Variants in ADAM23 observed in about 807,000 individuals in gnomAD.
ADAM23 encodes the protein ADAM metallopeptidase domain 23, also known as disintegrin and metalloproteinase domain-containing protein 23.
A neutral mutation model predicts 120.1 loss-of-function variants in ADAM23; 33 were observed. That is an observed-to-expected ratio of 0.27 (90% confidence interval 0.21 to 0.37). The LOEUF (loss-of-function observed/expected upper bound fraction) is 0.37, where lower values mean the gene tolerates loss of function less well. ADAM23 is among the 10% of genes least tolerant of loss of function. The probability of loss-of-function intolerance (pLI) is 1.00; values close to 1 mark genes in which losing one functional copy is unlikely to be tolerated. For synonymous variants in ADAM23, 367 were observed against 375.2 expected, an observed-to-expected ratio of 0.98 and a Z score of 0.25; for missense variants, 862 against 1,058.2, an observed-to-expected ratio of 0.81 and a Z score of 2.57.
intron 2 of ADAM23, among the ~76,000 whole-genome samples, chr2:206,469,799 A>G (rs944737441): frequency 6.6e-6 from 1 of 152,146 alleles, no homozygotes; most frequent in African/African-American, 2.4e-5. Flanking sequence ...GAATACACCA[A>G]GTGTGCCCCT....
At chr2:206,606,720 T>G (rs566772122) in intron 24 of ADAM23, 20 of 152,350 alleles carry the variant, frequency 1.3e-4, no homozygotes, top group African/African-American at 4.6e-4. Flanking sequence ...CCAGGGCACA[T>G]TGCTTCCTGA....
At position 206,617,607 on chromosome 2, in the gene ADAM23, A is replaced by G; in HGVS notation, c.2479A>G (p.Thr827Ala). Residue 827 changes from threonine (T) to alanine (A), a missense_variant, in exon 26 of 26, where the codon ACT becomes GCT. Around this residue, in one of 4 missense-constraint regions of ADAM23, gnomAD observed 16 missense variants for 17.6 expected, o/e 0.91. Transcript: ENST00000264377. ...KNVKKRRFDP[T>A]QQGPI ...TGTCAAGAAGAGAAGGTTCGATCCT[A>G]CTCAGCAAGGCCCCATCTGAATCAG... The G allele has an allele frequency of 6.2e-7, 1 of 1,612,558 alleles. No homozygotes were observed. Among genetic ancestry groups the G allele is most frequent in the Non-Finnish European group, 8.5e-7 (1 of 1,179,236 alleles).
chr2:206,608,849 T>A (rs1236626933), intron 24 of ADAM23, among the ~76,000 whole-genome samples: 3 of 152,154 alleles, frequency 2.0e-5, no homozygotes, highest in African/African-American at 7.2e-5. Flanking sequence ...TACACAGAAA[T>A]GAATGTTTAC....
chr2:206,467,405 G>T (rs1331178704), intron 2 of ADAM23, among the ~76,000 whole-genome samples: 1 of 152,214 alleles, frequency 6.6e-6, no homozygotes, highest in Admixed American at 6.5e-5. Flanking sequence ...AAAAGAAAGG[G>T]GCTTATAGGC....
intron 3 of ADAM23, among the ~76,000 whole-genome samples, chr2:206,529,852 C>A (rs946667195): frequency 5.3e-5 from 8 of 151,850 alleles, no homozygotes; most frequent in African/African-American, 1.9e-4. Flanking sequence ...CACTCTGTCT[C>A]TCAGGATGGA....
intron 2 of ADAM23, among the ~76,000 whole-genome samples, chr2:206,449,872 T>C (rs1270070959): frequency 6.6e-6 from 1 of 152,208 alleles, no homozygotes; most frequent in East Asian, 1.9e-4. Flanking sequence ...GCACGATGCA[T>C]AGCACCGGAC....
intron 3 of ADAM23, among the ~76,000 whole-genome samples, chr2:206,514,516 G>A (rs1430220747): frequency 6.6e-6 from 1 of 152,174 alleles, no homozygotes; most frequent in African/African-American, 2.4e-5. Flanking sequence ...TACTTAAGTG[G>A]TTTCATGAGA....
chr2:206,593,737 A>G (rs760555396), intron 22 of ADAM23, among the ~76,000 whole-genome samples: 4 of 152,066 alleles, frequency 2.6e-5, no homozygotes, highest in African/African-American at 9.7e-5. Flanking sequence ...ATTGTTGTAT[A>G]TACTAAACTA....
At chr2:206,587,731 A>G (rs959417686) in intron 19 of ADAM23, among the ~76,000 whole-genome samples, 41 of 152,140 alleles carry the variant, frequency 2.7e-4, no homozygotes, top group African/African-American at 9.7e-4. Context: ...ATTATAACCT[A>G]CAGGTGAGTA....
At chr2:206,591,765 G>A in intron 21 of ADAM23, among the ~76,000 whole-genome samples, 1 of 152,152 alleles carries the variant, frequency 6.6e-6, no homozygotes, top group Non-Finnish European at 1.5e-5. Context: ...TCTACCATCA[G>A]TATTATGTAT....
At chr2:206,534,505 A>G (rs1482451847) in intron 4 of ADAM23, among the ~76,000 whole-genome samples, 1 of 151,826 alleles carries the variant, frequency 6.6e-6, no homozygotes, top group Non-Finnish European at 1.5e-5. Context: ...TAGTGAGAAC[A>G]TTTAAGATCC....
Position 206,561,134 on chromosome 2 carries a change from G to C in ADAM23, c.1176G>C (p.Val392=). Reference sequence around the variant, plus strand: ...AGCACTGCTTTTTCTTAAGGCGGGTGACATTTCACTATAAGAGAAGCAGTC... The same window carrying C: ...AGCACTGCTTTTTCTTAAGGCGGGTCACATTTCACTATAAGAGAAGCAGTC... ...HADAVHLISR[V]TFHYKRSSLS... The change falls in exon 12 of 26, where the codon GTG becomes GTC. Residue 392 remains valine (V), a synonymous_variant. Coordinates refer to ENST00000264377, the MANE Select transcript of ADAM23 (RefSeq NM_003812.4). The C allele has an allele frequency of 6.2e-7, 1 of 1,613,972 alleles. No homozygotes were observed.
Position 206,481,571 on chromosome 2 carries a change from T to TTAAATGTTATAAA in ADAM23, c.509+272_509+273insTAAATAAATGTTA, listed in dbSNP as rs1374824955. ...TAAATATTTGAAGTAATCCAGTTAA[T>TTAAATGTTATAAA]TAAATGTTAATTATAATCATCACTA... On this transcript the variant is annotated intron_variant, in intron 3 of 25. Coordinates refer to ENST00000264377, the MANE Select transcript of ADAM23 (RefSeq NM_003812.4). Among the ~76,000 whole-genome samples the TTAAATGTTATAAA allele has an allele frequency of 5.5e-4, 84 of 152,312 alleles. 1 individual carries two copies. Among genetic ancestry groups the TTAAATGTTATAAA allele is most frequent in the African/African-American group, 1.6e-3 (65 of 41,564 alleles).
chr2:206,508,185 A>T (rs1295244121), intron 3 of ADAM23, among the ~76,000 whole-genome samples: 3 of 151,642 alleles, frequency 2.0e-5, no homozygotes, highest in Admixed American at 2.0e-4. Flanking sequence ...ATCCACCACC[A>T]CGCCCAGCTA....
At chr2:206,579,486 A>C (rs1225585549) in intron 18 of ADAM23, among the ~76,000 whole-genome samples, 3 of 152,148 alleles carry the variant, frequency 2.0e-5, no homozygotes, top group Admixed American at 1.3e-4. Flanking sequence ...TTTATTGAAA[A>C]GGGTGTCCTT....
At chr2:206,454,876 G>A (rs1450427228) in intron 2 of ADAM23, among the ~76,000 whole-genome samples, 3 of 152,230 alleles carry the variant, frequency 2.0e-5, no homozygotes, top group Non-Finnish European at 4.4e-5. Context: ...TGCCTTTATA[G>A]CTCTGCAGGG....
intron 8 of ADAM23, 31 bp downstream of exon 8, chr2:206,548,385 T>C: frequency 6.3e-7 from 1 of 1,592,376 alleles, no homozygotes; most frequent in Admixed American, 1.7e-5. Context: ...TGGGTGGGCC[T>C]ATTTTACTCA....
At chr2:206,612,331 T>C (rs1698841906) in intron 25 of ADAM23, among the ~76,000 whole-genome samples, 1 of 152,214 alleles carries the variant, frequency 6.6e-6, no homozygotes, top group African/African-American at 2.4e-5. Context: ...TGGAGATAAT[T>C]CGTAAGTATA....
chr2:206,534,616 A>G (rs978499783), intron 4 of ADAM23, among the ~76,000 whole-genome samples: 2 of 152,212 alleles, frequency 1.3e-5, no homozygotes, highest in African/African-American at 4.8e-5. Context: ...CTTATAAAAT[A>G]ATAAGCATCA....
Sources: allele counts gnomAD v4.1 joint callset (sites outside exome capture counted in the v4.1 genomes callset), GRCh38; gene constraint gnomAD v4.1.1; regional missense constraint gnomAD v4.1.1; transcripts MANE v1.5; gene names NCBI Gene and HGNC (gene_info 2026-07-23, HGNC 2026-07-21).